Variants in CAMK1D observed in about 807,000 individuals in gnomAD.
CAMK1D encodes the protein calcium/calmodulin dependent protein kinase ID.
A neutral mutation model predicts 47.7 loss-of-function variants in CAMK1D; 9 were observed. The observed-to-expected ratio is 0.19, with a 90% CI of 0.11 to 0.33. The LOEUF (loss-of-function observed/expected upper bound fraction) is 0.33, where lower values mean the gene tolerates loss of function less well. CAMK1D is among the 10% of genes least tolerant of loss of function. The probability of loss-of-function intolerance (pLI) is 1.00; values close to 1 mark genes in which losing one functional copy is unlikely to be tolerated. For missense variants in CAMK1D, 291 were observed against 488.7 expected (o/e 0.60, Z 3.81); for synonymous variants, 184 against 184.9 (o/e 0.99, Z 0.04).
chr10:12,759,102 A>T (rs866708361), intron 3 of CAMK1D, among the ~76,000 whole-genome samples: 1 of 152,170 alleles, frequency 6.6e-6, no homozygotes, highest in Admixed American at 6.5e-5. Flanking sequence ...TAATCCCAGC[A>T]CTTTGGGAGG....
At chr10:12,768,451 G>C (rs1236685365) in intron 4 of CAMK1D, among the ~76,000 whole-genome samples, 2 of 152,182 alleles carry the variant, frequency 1.3e-5, no homozygotes, top group East Asian at 3.9e-4. Context: ...TGTCCCCGCT[G>C]GGGCGGGGGA....
At chr10:12,600,256 G>A (rs961029899) in intron 2 of CAMK1D, among the ~76,000 whole-genome samples, 1 of 152,228 alleles carries the variant, frequency 6.6e-6, no homozygotes, top group Non-Finnish European at 1.5e-5. Flanking sequence ...ATGGGAAGCT[G>A]GGTGGGCCCC....
At chr10:12,777,748 G>T (rs1588914839) in intron 5 of CAMK1D, among the ~76,000 whole-genome samples, 2 of 152,318 alleles carry the variant, frequency 1.3e-5, no homozygotes, top group East Asian at 3.9e-4. Context: ...ACGGGTCTTG[G>T]TAAGTACACC....
At chr10:12,802,944 G>A (rs1297280938) in intron 6 of CAMK1D, among the ~76,000 whole-genome samples, 1 of 152,208 alleles carries the variant, frequency 6.6e-6, no homozygotes, top group African/African-American at 2.4e-5. Flanking sequence ...TGCAGGTGTG[G>A]TGTTTCCCCA....
chr10:12,457,199 T>A (rs2132044952), intron 1 of CAMK1D, among the ~76,000 whole-genome samples: 1 of 152,234 alleles, frequency 6.6e-6, no homozygotes, highest in Middle Eastern at 3.4e-3. Flanking sequence ...GAGACCAGCC[T>A]GACCAACATG....
chr10:12,805,710 G>A (rs953397819), intron 6 of CAMK1D, among the ~76,000 whole-genome samples: 1 of 152,222 alleles, frequency 6.6e-6, no homozygotes, highest in Admixed American at 6.5e-5. Flanking sequence ...GAACCCAAGA[G>A]GGAGGTGGGC....
intron 1 of CAMK1D, among the ~76,000 whole-genome samples, chr10:12,489,840 G>A (rs781621153): frequency 3.9e-5 from 6 of 152,172 alleles, no homozygotes; most frequent in East Asian, 3.8e-4. Context: ...TTGCTTTTAG[G>A]TGAAGCTGGT....
intron 1 of CAMK1D, among the ~76,000 whole-genome samples, chr10:12,459,051 G>A (rs1833345927): frequency 6.6e-6 from 1 of 151,740 alleles, no homozygotes; most frequent in Non-Finnish European, 1.5e-5. Flanking sequence ...GCTGATTTTT[G>A]TATTTTTAGT....
At chr10:12,633,375 T>A (rs188076483) in intron 2 of CAMK1D, among the ~76,000 whole-genome samples, 38 of 152,118 alleles carry the variant, frequency 2.5e-4, no homozygotes, top group Admixed American at 2.0e-3. Flanking sequence ...ATAACCGAGG[T>A]TTCTGGCTGG....
chr10:12,747,231 C>T (rs1835724064), intron 3 of CAMK1D, among the ~76,000 whole-genome samples: 1 of 152,046 alleles, frequency 6.6e-6, no homozygotes, highest in Admixed American at 6.6e-5. Context: ...GGGGTTTCAC[C>T]GTGTTGGCCA....
intron 2 of CAMK1D, among the ~76,000 whole-genome samples, chr10:12,557,785 C>T (rs1035140171): frequency 3.3e-5 from 5 of 152,114 alleles, no homozygotes; most frequent in Non-Finnish European, 4.4e-5. Flanking sequence ...CATTTGAATC[C>T]CAGCTGCTGG....
chr10:12,445,197 A>G (rs61067341), intron 1 of CAMK1D, among the ~76,000 whole-genome samples: 2 of 152,212 alleles, frequency 1.3e-5, no homozygotes, highest in Admixed American at 1.3e-4. Context: ...GGAGGAGGGT[A>G]GAATGAGGTG....
At chr10:12,582,180 C>T (rs940601545) in intron 2 of CAMK1D, among the ~76,000 whole-genome samples, 2 of 152,088 alleles carry the variant, frequency 1.3e-5, no homozygotes, top group African/African-American at 2.4e-5. Context: ...TTAGCTTTGT[C>T]GAAGATCAGT....
chr10:12,781,972 GTTTTTT>G (rs58759372), intron 5 of CAMK1D, among the ~76,000 whole-genome samples: 3 of 128,622 alleles, frequency 2.3e-5, no homozygotes, highest in Non-Finnish European at 1.7e-5. Context: ...TAATTTAATT[GTTTTTT>G]TTTTTTTTTT....
chr10:12,707,141 G>T (rs1398152051), intron 3 of CAMK1D, among the ~76,000 whole-genome samples: 2 of 152,186 alleles, frequency 1.3e-5, no homozygotes, highest in Non-Finnish European at 2.9e-5. Context: ...CCTGGAATTT[G>T]CTCCTTTCAG....
In CAMK1D at chr10:12,695,022, C is replaced by CGATAGATA. The variant is rs563091966; in HGVS notation, c.299+28249_299+28256dup. On this transcript the variant is annotated intron_variant, in intron 3 of 10. Transcript: ENST00000619168. ...GACCAATTCCTTAAAATAAATCTCTCGATAGATAGATAGATAGATAGATAG... is the reference window on the plus strand; with the variant it reads ...GACCAATTCCTTAAAATAAATCTCTCGATAGATAGATAGATAGATAGATAGATAGATAG... Among the ~76,000 whole-genome samples the CGATAGATA allele has an allele frequency of 3.8e-3, 544 of 144,124 alleles. 2 individuals are homozygous for CGATAGATA. Among genetic ancestry groups the CGATAGATA allele is most frequent in the East Asian group, 8.3e-3 (41 of 4,922 alleles). The allele number at this position is 144,124 out of a possible 152,430, so 94.6% of individuals were successfully genotyped here.
chr10:12,701,912 C>A (rs1246110900), intron 3 of CAMK1D, among the ~76,000 whole-genome samples: 2 of 152,198 alleles, frequency 1.3e-5, no homozygotes, highest in East Asian at 3.8e-4. Flanking sequence ...CTGCCATATT[C>A]CACACATAGA....
At chr10:12,540,792 G>GT (rs984736301) in intron 1 of CAMK1D, among the ~76,000 whole-genome samples, 3 of 152,166 alleles carry the variant, frequency 2.0e-5, no homozygotes, top group African/African-American at 7.2e-5. Flanking sequence ...GAACGTTTCA[G>GT]TAAGAAAGCG....
chr10:12,367,964 G>T (rs1046711960), intron 1 of CAMK1D, among the ~76,000 whole-genome samples: 1 of 152,036 alleles, frequency 6.6e-6, no homozygotes, highest in Non-Finnish European at 1.5e-5. Flanking sequence ...AGGCCGAGGC[G>T]GGTGGATCAC....
Sources: allele counts gnomAD v4.1 joint callset (sites outside exome capture counted in the v4.1 genomes callset), GRCh38; gene constraint gnomAD v4.1.1; transcripts MANE v1.5; gene names NCBI Gene and HGNC (gene_info 2026-07-23, HGNC 2026-07-21).